F11: variants seen among roughly 807,000 people sequenced by gnomAD.
F11 encodes the protein coagulation factor XI.
A neutral mutation model predicts 76.5 loss-of-function variants in F11; 78 were observed. The observed-to-expected ratio is 1.02, with a 90% CI of 0.85 to 1.23. F11 has a LOEUF of 1.23. Among genes scored for constraint, F11 ranks in the 50% most tolerant of loss-of-function variants. The pLI is 0.00. For missense variants in F11, 742 were observed against 771.4 expected, an observed-to-expected ratio of 0.96 and a Z score of 0.45; for synonymous variants, 278 against 276.3, an observed-to-expected ratio of 1.01 and a Z score of -0.06.
In F11 at chr4:186,280,304, C is replaced by G; in HGVS notation, c.947C>G (p.Ala316Gly). 6.2e-7 allele frequency: 1 copy of G among 1,614,158 alleles called. No individual in the cohort carries two copies. The highest frequency in any genetic ancestry group is 8.5e-7 in the Non-Finnish European group (1 of 1,180,038). ...LDIVAAKSHE[A>G]CQKLCTNAVR... ...ATTGTTGCTGCAAAAAGTCACGAGG[C>G]CTGCCAGAAACTGTGCACCAATGCC... The change falls in exon 9 of 15, where the codon GCC becomes GGC. Residue 316 changes from alanine to glycine, a missense_variant. Ala to Gly is a moderately conservative substitution (Grantham distance 60). Transcript: ENST00000403665.
rs762013077 is a variant in F11, at chr4:186,273,071, G to T, written c.219G>T (p.Trp73Cys). Residue 73 changes from tryptophan (W) to cysteine (C), a missense_variant and splice_region_variant, in exon 4 of 15, where the codon TGG (tryptophan) becomes TGT (cysteine). Transcript: ENST00000403665. ...TAATATGTATTTTTTAAAAAAACAG[G>T]TTTACTTGTGTCCTGAAAGACAGTG... ...AESPSEDPTR[W>C]FTCVLKDSVT... The T allele has an allele frequency of 1.9e-6, 3 of 1,602,632 alleles. No individual in the cohort carries two copies. Among genetic ancestry groups the T allele is most frequent in the African/African-American group, 2.7e-5 (2 of 74,628 alleles).
intron 2 of F11, among the ~76,000 whole-genome samples, chr4:186,268,140 TA>T (rs946464284): frequency 6.6e-5 from 10 of 151,572 alleles, no homozygotes; most frequent in Non-Finnish European, 1.2e-4. Context: ...TGAAATTTTT[TA>T]AAAAAAATTA....
rs28934608 is a variant in F11, at chr4:186,280,333, C to T, written c.976C>T (p.Arg326Cys). The T allele has an allele frequency of 1.6e-5, 26 of 1,614,142 alleles. No homozygotes were observed. Among genetic ancestry groups the T allele is most frequent in the South Asian group, 5.5e-5 (5 of 91,088 alleles). The stretch of plus-strand genomic sequence containing the variant: ...CCAGAAACTGTGCACCAATGCCGTC[C>T]GCTGCCAGTTTTTTACCTATACCCC... ...ACQKLCTNAV[R>C]CQFFTYTPAQ... is the part of the protein sequence containing the mutation. The change falls in exon 9 of 15, where the codon CGC becomes TGC. Residue 326 changes from arginine to cysteine, a missense_variant. Coordinates refer to ENST00000403665, the MANE Select transcript of F11 (RefSeq NM_000128.4).
Position 186,285,686 on chromosome 4 carries a change from A to G in F11, c.1353A>G (p.Gln451=). Residue 451 remains glutamine, a synonymous_variant, in exon 12 of 15, where the codon CAA becomes CAG. Coordinates refer to ENST00000403665, the MANE Select transcript of F11 (RefSeq NM_000128.4). ...GTGTCTACAGTGGCATTTTAAATCAATCTGAAATAAAAGAGGACACATCTT... is the reference window on the plus strand; with the variant it reads ...GTGTCTACAGTGGCATTTTAAATCAGTCTGAAATAAAAGAGGACACATCTT... ...ILRVYSGILN[Q]SEIKEDTSFF... The G allele has an allele frequency of 1.9e-6, 3 of 1,614,188 alleles. No homozygotes were observed. The highest frequency in any genetic ancestry group is 2.5e-6 in the Non-Finnish European group (3 of 1,180,034).
At chr4:186,274,049 G>A (rs1215450207) in intron 4 of F11, 67 bp from the exon 5 acceptor site, 5 of 1,576,108 alleles carry the variant, frequency 3.2e-6, no homozygotes, top group Non-Finnish European at 4.4e-6. Flanking sequence ...GAGTCAGGAG[G>A]GACAGTTGCT....
At chr4:186,284,066 T>C (rs1323391489) in intron 10 of F11, 26 bp from the exon 11 acceptor site, 4 of 1,614,038 alleles carry the variant, frequency 2.5e-6, no homozygotes, top group Non-Finnish European at 3.4e-6. Context: ...TGTAGGAAGC[T>C]GCTCATCACA....
chr4:186,273,391 T>C (rs1740127552), intron 4 of F11, among the ~76,000 whole-genome samples: 1 of 152,178 alleles, frequency 6.6e-6, no homozygotes, highest in Non-Finnish European at 1.5e-5. Flanking sequence ...AGACATATCT[T>C]ACTACCTCAC....
At chr4:186,281,077 G>A (rs1740765122) in intron 10 of F11, among the ~76,000 whole-genome samples, 1 of 151,950 alleles carries the variant, frequency 6.6e-6, no homozygotes, top group Non-Finnish European at 1.5e-5. Flanking sequence ...GGCTGGTCTT[G>A]AACTCCTGGG....
At chr4:186,284,357 T>C in intron 11 of F11, 97 bp downstream of exon 11, 1 of 1,212,978 alleles carries the variant, frequency 8.2e-7, no homozygotes, top group Non-Finnish European at 1.2e-6. Flanking sequence ...ACCAATTAGA[T>C]TGTCTTATTT....
chr4:186,269,644 C>T (rs1039156699), intron 2 of F11, among the ~76,000 whole-genome samples: 1 of 152,284 alleles, frequency 6.6e-6, no homozygotes, highest in Admixed American at 6.5e-5. Context: ...AGAGCATCAG[C>T]TGGCGAAGTT....
At chr4:186,280,862 T>TC (rs1740750154) in intron 10 of F11, among the ~76,000 whole-genome samples, 1 of 130,070 alleles carries the variant, frequency 7.7e-6, no homozygotes, top group Non-Finnish European at 1.6e-5. Flanking sequence ...CTTTCTTTTT[T>TC]TTTTTTTTTT....
chr4:186,269,518 T>A (rs915561067), intron 2 of F11, among the ~76,000 whole-genome samples: 2 of 152,200 alleles, frequency 1.3e-5, no homozygotes, highest in East Asian at 3.8e-4. Flanking sequence ...TACTGTGGGA[T>A]CTCACTGATA....
At chr4:186,272,302 AC>A (rs1740038265) in intron 3 of F11, among the ~76,000 whole-genome samples, 1 of 152,260 alleles carries the variant, frequency 6.6e-6, no homozygotes, top group South Asian at 2.1e-4. Flanking sequence ...ATGACACTTT[AC>A]CCCTAAATAC....
intron 7 of F11, 30 bp from the exon 8 acceptor site, chr4:186,279,982 A>C: frequency 6.6e-7 from 1 of 1,518,224 alleles, no homozygotes; most frequent in Non-Finnish European, 9.1e-7. Flanking sequence ...TTGATATGAT[A>C]TATTTCTACT....
intron 6 of F11, 129 bp downstream of exon 6, chr4:186,276,025 A>G (rs1332710453): frequency 6.3e-6 from 6 of 947,008 alleles, no homozygotes; most frequent in Non-Finnish European, 9.9e-6. Flanking sequence ...TCTTCATGTG[A>G]TAGATTTCAT....
At chr4:186,290,492 C>CA (rs1004252167), downstream of F11, among the ~76,000 whole-genome samples, 10 of 151,950 alleles carry the variant, frequency 6.6e-5, no homozygotes, top group East Asian at 5.8e-4. Flanking sequence ...ACACTTCACA[C>CA]AAAAAAAGGG....
intron 7 of F11, among the ~76,000 whole-genome samples, chr4:186,277,367 C>T (rs896718501): frequency 6.6e-6 from 1 of 152,124 alleles, no homozygotes; most frequent in African/African-American, 2.4e-5. Flanking sequence ...CTGCAGTAAA[C>T]ATGTGAGTGT....
chr4:186,283,138 GA>G, intron 10 of F11: 2 of 759,458 alleles, frequency 2.6e-6, no homozygotes, highest in South Asian at 1.2e-4. Flanking sequence ...AGATGTTACT[GA>G]GTCAGAATCT....
At chr4:186,272,261 CAT>C (rs1403170099) in intron 3 of F11, among the ~76,000 whole-genome samples, 6 of 152,134 alleles carry the variant, frequency 3.9e-5, no homozygotes, top group Admixed American at 3.9e-4. Context: ...TATTTGTATA[CAT>C]GTTTAACCGT....
Sources: allele counts gnomAD v4.1 joint callset (sites outside exome capture counted in the v4.1 genomes callset), GRCh38; gene constraint gnomAD v4.1.1; transcripts MANE v1.5; gene names NCBI Gene and HGNC (gene_info 2026-07-23, HGNC 2026-07-21).